The following ITGAE variants were observed in gnomAD, a reference collection of about 807,000 sequenced individuals.
ITGAE encodes the protein integrin alpha-E.
In ITGAE, 99 loss-of-function variants were observed where a neutral mutation model predicts 136.5. That is an observed-to-expected ratio of 0.73 (90% confidence interval 0.62 to 0.86). The LOEUF is 0.86. ITGAE is among the 40% of genes least tolerant of loss of function. The probability of loss-of-function intolerance (pLI) is 0.00; values close to 1 mark genes in which losing one functional copy is unlikely to be tolerated. For synonymous variants in ITGAE, 613 were observed against 591.8 expected (o/e 1.04, Z -0.52); for missense variants, 1,447 against 1,515.3 (o/e 0.95, Z 0.75).
intron 1 of ITGAE, among the ~76,000 whole-genome samples, chr17:3,778,920 G>A (rs1369817799): frequency 6.6e-6 from 1 of 152,130 alleles, no homozygotes; most frequent in Non-Finnish European, 1.5e-5. Context: ...TCTTTCTGGA[G>A]GAATTTTATG....
chr17:3,723,797 TC>T, intron 26 of ITGAE, 53 bp from the exon 27 acceptor site: 1 of 1,593,788 alleles, frequency 6.3e-7, no homozygotes, highest in African/African-American at 1.3e-5. Flanking sequence ...CCGCCAGTTT[TC>T]CGTCCCGTCC....
intron 20 of ITGAE, among the ~76,000 whole-genome samples, chr17:3,738,083 T>C (rs1277703970): frequency 3.3e-5 from 5 of 152,318 alleles, no homozygotes; most frequent in Middle Eastern, 3.4e-3. Flanking sequence ...TTCTTCCCCA[T>C]ATACGGCAAC....
At position 3,724,863 on chromosome 17, in the gene ITGAE, C is replaced by T. The variant is rs139905328; in HGVS notation, c.3085-1119G>A. 3.4e-4 allele frequency: 542 copies of T among 1,613,916 alleles called. 1 individual carries two copies. The African/African-American group carries it at 5.6e-3, about 17-fold the overall frequency. ...AGAGAGAGGGCTTCAAGAGGCCGTC[C>T]GGAGAGAGCATCAGGAGGCCAGTGT... is the stretch of plus-strand genomic sequence containing the variant. On this transcript the variant is annotated intron_variant, in intron 26 of 30. Coordinates refer to ENST00000263087, the MANE Select transcript of ITGAE (RefSeq NM_002208.5).
intron 22 of ITGAE, among the ~76,000 whole-genome samples, chr17:3,731,488 C>A (rs144684602): frequency 2.6e-5 from 4 of 151,562 alleles, no homozygotes; most frequent in Admixed American, 2.6e-4. Flanking sequence ...ATTACAGGCA[C>A]GCACCACCAC....
chr17:3,731,222 T>C (rs759661207), intron 22 of ITGAE, 39 bp from the exon 23 acceptor site: 5 of 1,513,616 alleles, frequency 3.3e-6, no homozygotes, highest in East Asian at 2.3e-5. Flanking sequence ...TGATTCTCTC[T>C]ATGCCACTCA....
chr17:3,798,100 G>A lies in ITGAE; in HGVS notation c.34+3011C>T, dbSNP rs2053165133. Reference sequence around the variant, plus strand: ...AATGCAGGCCTCCCAGAGAAGGGCAGGGATGTGGGGCTCCCACACGGCCCA... The same window carrying A: ...AATGCAGGCCTCCCAGAGAAGGGCAAGGATGTGGGGCTCCCACACGGCCCA... On this transcript the variant is annotated intron_variant, in intron 1 of 30. Transcript: ENST00000263087. The surrounding 1 kb of genome is among the most constrained non-coding windows in gnomAD (Gnocchi z 4.3). 1.3e-5 allele frequency among the ~76,000 whole-genome samples: 2 copies of A among 152,170 alleles called. No individual in the cohort carries two copies. Among genetic ancestry groups the A allele is most frequent in the Admixed American group, 1.3e-4 (2 of 15,280 alleles).
At chr17:3,762,551 A>G (rs116849986) in intron 3 of ITGAE, among the ~76,000 whole-genome samples, 2,041 of 146,012 alleles carry the variant, frequency 0.014, 17 homozygotes, top group Non-Finnish European at 0.022. Context: ...TGCTGGACTG[A>G]GATTGAGTCT....
At chr17:3,718,546 C>T (rs1276657638) in intron 29 of ITGAE, among the ~76,000 whole-genome samples, 2 of 152,200 alleles carry the variant, frequency 1.3e-5, no homozygotes, top group Non-Finnish European at 2.9e-5. Context: ...GGCTGAAATG[C>T]ATTTGGATAC....
chr17:3,745,498 C>T (rs915258342), intron 18 of ITGAE, among the ~76,000 whole-genome samples: 2 of 152,184 alleles, frequency 1.3e-5, no homozygotes, highest in African/African-American at 4.8e-5. Context: ...CCCGCCATCA[C>T]GCCCGGCTAA....
chr17:3,748,104 C>T (rs1029804439), intron 16 of ITGAE, 52 bp from the exon 17 acceptor site: 14 of 1,570,678 alleles, frequency 8.9e-6, no homozygotes, highest in African/African-American at 1.4e-5. Context: ...GCCTCTGGGT[C>T]AGGGCCTGGC....
At chr17:3,731,014 A>AGG (rs1236937317) in intron 23 of ITGAE, 90 bp downstream of exon 23, 12 of 1,037,728 alleles carry the variant, frequency 1.2e-5, no homozygotes, top group Admixed American at 1.9e-5. Flanking sequence ...CTGGGCTGTA[A>AGG]GGGGGCCGTT....
chr17:3,717,327 C>A (rs1490696564), intron 29 of ITGAE: 1 of 153,376 alleles, frequency 6.5e-6, no homozygotes, highest in African/African-American at 2.4e-5. Context: ...GTCTTCCCCT[C>A]ACCAGACTAA....
At chr17:3,724,176 A>G (rs576218610) in intron 26 of ITGAE, 1 of 1,592,352 alleles carries the variant, frequency 6.3e-7, no homozygotes, top group South Asian at 1.1e-5. Context: ...GCGGCGGCGG[A>G]GGCGTCCCGG....
chr17:3,729,530 T>A lies in ITGAE; in HGVS notation c.2860A>T (p.Asn954Tyr). Reference protein sequence around the residue: ...TNSNERRSLANETHTLQFRHG... With the variant: ...TNSNERRSLAYETHTLQFRHG... ...CTGAATTGAAGGGTGTGGGTCTCGT[T>A]GGCCAAAGACCGTCTTTCATTGGAA... Residue 954 changes from asparagine to tyrosine, a missense_variant, in exon 24 of 31, where the codon AAC becomes TAC. Around this residue, in one of 3 missense-constraint regions of ITGAE, gnomAD observed 1,031 missense variants for 1,011.4 expected, o/e 1.02. Coordinates refer to ENST00000263087, the MANE Select transcript of ITGAE (RefSeq NM_002208.5). The A allele has an allele frequency of 6.2e-7, 1 of 1,610,434 alleles. No homozygotes were observed. Among genetic ancestry groups the A allele is most frequent in the South Asian group, 1.1e-5 (1 of 90,974 alleles).
In ITGAE at chr17:3,723,288, C is replaced by T; in HGVS notation, c.3237G>A (p.Glu1079=). 6.2e-7 allele frequency: 1 copy of T among 1,604,386 alleles called. No homozygotes were observed. Among genetic ancestry groups the T allele is most frequent in the African/African-American group, 1.3e-5 (1 of 74,852 alleles). ...AAEISWDHSE[E]LLKDVTELQI... The stretch of plus-strand genomic sequence containing the variant: ...TCTGGAGCATTTCAGTCTCAAACAC[C>T]TCCTCAGAGTGATCCCAGGAGATCT... Residue 1079 remains glutamate, a splice_region_variant and synonymous_variant, in exon 28 of 31, where the codon GAG becomes GAA. Coordinates refer to ENST00000263087, the MANE Select transcript of ITGAE (RefSeq NM_002208.5).
chr17:3,716,245 A>G (rs2050942133), intron 30 of ITGAE, among the ~76,000 whole-genome samples: 1 of 145,396 alleles, frequency 6.9e-6, no homozygotes, highest in Non-Finnish European at 1.5e-5. Flanking sequence ...GATCTTAAAT[A>G]GCAGTAGAAG....
rs1456024085 is a variant in ITGAE at position 3,731,317 on chromosome 17, CAT to C, written c.2755-136_2755-135del. 44 of 621,202 alleles carry C rather than the reference CAT, an allele frequency of 7.1e-5. No individual in the cohort carries two copies. In the Admixed American group the frequency reaches 1.2e-3, roughly 17 times the overall value. The allele number at this position is 621,202 out of a possible 1,614,324, so 38.5% of individuals were successfully genotyped here. On this transcript the variant is annotated intron_variant, in intron 22 of 30. Coordinates refer to ENST00000263087, the MANE Select transcript of ITGAE (RefSeq NM_002208.5). ...CATTCCTCACATTTTTCTAACACAG[CAT>C]GTTTCCTTTCCCTTCCTTTTTTTTT...
At chr17:3,786,166 CAA>C (rs369144318) in intron 1 of ITGAE, among the ~76,000 whole-genome samples, 2,477 of 58,306 alleles carry the variant, frequency 0.042, 58 homozygotes, top group African/African-American at 0.13. Flanking sequence ...GACTCCATCT[CAA>C]AAAAAAAAAA....
chr17:3,753,413 G>A lies in ITGAE; in HGVS notation c.1545C>T (p.Gly515=), dbSNP rs1297647058. The change falls in exon 14 of 31, where the codon GGC becomes GGT. Residue 515 remains glycine (G), a synonymous_variant. Coordinates refer to ENST00000263087, the MANE Select transcript of ITGAE (RefSeq NM_002208.5). The part of the protein sequence containing the change: ...LEGEQMGSYF[G]SELCPVDIDM... Reference sequence around the variant, plus strand: ...CAATGTCCACAGGGCACAGCTCAGAGCCAAAATAGGACCCCATCTACAGCC... The same window carrying A: ...CAATGTCCACAGGGCACAGCTCAGAACCAAAATAGGACCCCATCTACAGCC... 3.1e-6 allele frequency: 5 copies of A among 1,613,966 alleles called. No homozygotes were observed. The African/African-American group carries it at 5.3e-5, about 17-fold the overall frequency.
Sources: allele counts gnomAD v4.1 joint callset (sites outside exome capture counted in the v4.1 genomes callset), GRCh38; gene constraint gnomAD v4.1.1; regional missense constraint gnomAD v4.1.1; non-coding constraint Gnocchi (gnomAD v3.1); transcripts MANE v1.5; gene names NCBI Gene and HGNC (gene_info 2026-07-23, HGNC 2026-07-21).